LIMK1: variants seen among roughly 807,000 people sequenced by gnomAD.
The protein encoded by LIMK1 is LIM motif-containing protein kinase.
A neutral mutation model predicts 77.6 loss-of-function variants in LIMK1; 21 were observed. The observed-to-expected ratio is 0.27, with a 90% CI of 0.19 to 0.39. The LOEUF is 0.39. Ranked by LOEUF, LIMK1 falls within the 10% of genes least tolerant of loss-of-function variation. The pLI is 1.00. For missense variants in LIMK1, 696 were observed against 901.6 expected, an observed-to-expected ratio of 0.77 and a Z score of 2.92; for synonymous variants, 358 against 370.0, an observed-to-expected ratio of 0.97 and a Z score of 0.37.
intron 2 of LIMK1, among the ~76,000 whole-genome samples, chr7:74,088,000 A>G (rs1475066189): frequency 6.6e-6 from 1 of 151,744 alleles, no homozygotes; most frequent in Admixed American, 6.6e-5. Flanking sequence ...CTCCAGCTCC[A>G]ACTGGTTCAA....
chr7:74,117,427 A>C (rs1233847719), intron 13 of LIMK1, among the ~76,000 whole-genome samples: 1 of 152,126 alleles, frequency 6.6e-6, no homozygotes, highest in African/African-American at 2.4e-5. Context: ...GTCCGATGGA[A>C]GGTGGGACGT....
At position 74,099,032 on chromosome 7, in the gene LIMK1, C is replaced by T. The variant is rs782739229; in HGVS notation, c.402C>T (p.Cys134=). The T allele has an allele frequency of 2.2e-5, 36 of 1,604,756 alleles. No individual in the cohort carries two copies. The highest frequency in any genetic ancestry group is 5.5e-5 in the South Asian group (5 of 90,950). The change falls in exon 5 of 16, where the codon TGC becomes TGT. Residue 134 remains cysteine (C), a splice_region_variant and synonymous_variant. Transcript: ENST00000336180. ...YTLVEHSKLY[C]GHCYYQTVVT... is the part of the protein sequence containing the mutation. ...CTTCCCACCCCGGCGGCTCTTGCAG[C>T]GGGCACTGCTACTACCAGACTGTGG...
chr7:74,096,847 C>T (rs782349030), intron 3 of LIMK1, 87 bp downstream of exon 3: 9 of 1,467,660 alleles, frequency 6.1e-6, no homozygotes, highest in Non-Finnish European at 6.4e-6. Context: ...ATCATTGTCT[C>T]TCCTGGTCTC....
intron 2 of LIMK1, among the ~76,000 whole-genome samples, chr7:74,092,727 C>T (rs1334904936): frequency 6.6e-6 from 1 of 152,220 alleles, no homozygotes; most frequent in African/African-American, 2.4e-5. Flanking sequence ...GAGGGCTGAG[C>T]ATGCTGCTGG....
At chr7:74,113,624 C>CA (rs1193175392) in intron 12 of LIMK1, among the ~76,000 whole-genome samples, 77 of 135,380 alleles carry the variant, frequency 5.7e-4, no homozygotes, top group East Asian at 1.1e-3. Context: ...GACACCGTCT[C>CA]AAAAAAAAAA....
intron 14 of LIMK1, 49 bp downstream of exon 14, chr7:74,120,687 C>A (rs781820839): frequency 1.3e-6 from 2 of 1,595,882 alleles, no homozygotes; most frequent in Non-Finnish European, 1.7e-6. Context: ...GGCTCCTCCC[C>A]ACTCACCCAG....
At position 74,121,141 on chromosome 7, in the gene LIMK1, C is replaced by T; in HGVS notation, c.1784C>T (p.Pro595Leu). 6.2e-7 allele frequency: 1 copy of T among 1,613,078 alleles called. No homozygotes were observed. Among genetic ancestry groups the T allele is most frequent in the South Asian group, 1.1e-5 (1 of 90,978 alleles). The change falls in exon 16 of 16, where the codon CCA (proline) becomes CTA (leucine). Residue 595 changes from proline to leucine, a missense_variant and splice_region_variant. Around this residue, in one of 3 missense-constraint regions of LIMK1, gnomAD observed 438 missense variants for 602.3 expected, o/e 0.73. Transcript: ENST00000336180. ...TTCCCCACCCACCTGTCACCCAGGC[C>T]ATCCTTTGTGAAGCTGGAACACTGG... is the stretch of plus-strand genomic sequence containing the variant. ...RCCDLDPEKR[P>L]SFVKLEHWLE...
In LIMK1 at chr7:74,120,587, C is replaced by T. The variant is rs1799912402; in HGVS notation, c.1572C>T (p.Arg524=). The change falls in exon 14 of 16, where the codon CGC becomes CGT. Residue 524 remains arginine, a synonymous_variant. Coordinates refer to ENST00000336180, the MANE Select transcript of LIMK1 (RefSeq NM_002314.4). ...ACAGTCGGTCTCTTTATCCAGGCCG[C>T]AGCTATGATGAGAAGGTGGATGTGT... is the stretch of plus-strand genomic sequence containing the variant. ...YWMAPEMING[R]SYDEKVDVFS... is the part of the protein sequence containing the mutation. The T allele has an allele frequency of 6.2e-7, 1 of 1,614,112 alleles. No homozygotes were observed. Among genetic ancestry groups the T allele is most frequent in the Non-Finnish European group, 8.5e-7 (1 of 1,180,038 alleles).
Position 74,122,289 on chromosome 7 carries a change from T to C in LIMK1, c.*988T>C, listed in dbSNP as rs1169829616. 6 of 151,700 alleles carry C rather than the reference T, an allele frequency of 4.0e-5. No homozygotes were observed. The highest frequency in any genetic ancestry group is 8.8e-5 in the Non-Finnish European group (6 of 67,846). The allele number at this position is 151,700 out of a possible 1,614,324, so 9.4% of individuals were successfully genotyped here. A position where few individuals can be genotyped will look rare whatever the true frequency, so the allele number is the denominator to read the frequency against. ...CTGCCAGGGGCTTGGGATTTTATTT[T>C]TGTGGCGGGCGGGGGTGGGAGGGCC... is the stretch of plus-strand genomic sequence containing the variant. On this transcript the variant is annotated 3_prime_UTR_variant, in exon 16 of 16. Transcript: ENST00000336180.
intron 2 of LIMK1, among the ~76,000 whole-genome samples, chr7:74,091,378 G>A (rs549172139): frequency 3.9e-5 from 6 of 152,230 alleles, no homozygotes; most frequent in African/African-American, 9.6e-5. Context: ...TTAGCCAGGC[G>A]TGGTGGTGCG....
chr7:74,105,884 G>C lies in LIMK1; in HGVS notation c.618G>C (p.Pro206=), dbSNP rs374968465. The C allele has an allele frequency of 8.7e-6, 14 of 1,613,532 alleles. No homozygotes were observed. Among genetic ancestry groups the C allele is most frequent in the South Asian group, 7.7e-5 (7 of 91,036 alleles). ...CCTGCCTTACCCACAGAGTGGATCC[G>C]GGCTGCATGAGCCCAGATGTGAAGA... ...SHTVRVQGVD[P]GCMSPDVKNS... The change falls in exon 6 of 16, where the codon CCG becomes CCC. Residue 206 remains proline (P), a synonymous_variant. Transcript: ENST00000336180.
chr7:74,098,953 TG>T, intron 4 of LIMK1, 78 bp from the exon 5 acceptor site: 2 of 1,144,566 alleles, frequency 1.7e-6, no homozygotes, highest in South Asian at 1.4e-5. Flanking sequence ...GGGAAGAGCC[TG>T]GGGCTGGGGG....
Position 74,121,353 on chromosome 7 carries a change from C to G in LIMK1, c.*52C>G, listed in dbSNP as rs1554700615. On this transcript the variant is annotated 3_prime_UTR_variant, in exon 16 of 16. Coordinates refer to ENST00000336180, the MANE Select transcript of LIMK1 (RefSeq NM_002314.4). ...CCCACCTCTGGAGAATCCACCCCCA[C>G]CAGATTCCTCCGCGGGAGGTGGCCC... The G allele has an allele frequency of 6.8e-7, 1 of 1,467,414 alleles. No homozygotes were observed. The highest frequency in any genetic ancestry group is 2.2e-5 in the Admixed American group (1 of 45,308). The allele number at this position is 1,467,414 out of a possible 1,614,324, so 90.9% of individuals were successfully genotyped here.
chr7:74,091,964 T>C (rs1799245731), intron 2 of LIMK1, among the ~76,000 whole-genome samples: 1 of 137,004 alleles, frequency 7.3e-6, no homozygotes, highest in African/African-American at 2.8e-5. Flanking sequence ...CTTTTTTTTT[T>C]TTTTTTTTTT....
chr7:74,092,110 C>A, intron 2 of LIMK1, among the ~76,000 whole-genome samples: 1 of 151,804 alleles, frequency 6.6e-6, no homozygotes, highest in East Asian at 1.9e-4. Context: ...GGACTACAGG[C>A]GCCCACCACC....
In LIMK1 at chr7:74,084,020, G is replaced by A; in HGVS notation, c.30G>A (p.Trp10Ter). 2 of 1,494,930 alleles carry A rather than the reference G, an allele frequency of 1.3e-6. No homozygotes were observed. The highest frequency in any genetic ancestry group is 1.8e-6 in the Non-Finnish European group (2 of 1,116,952). The allele number at this position is 1,494,930 out of a possible 1,614,324, so 92.6% of individuals were successfully genotyped here. The change falls in exon 1 of 16, where the codon TGG becomes TGA. Residue 10 changes from tryptophan to a stop codon, truncating the protein, a stop_gained. Transcript: ENST00000336180. LOFTEE classifies it high-confidence loss of function. MRLTLLCCTWREERMGEEGS... is the reference protein window; with the variant it reads MRLTLLCCT ...GGTTGACGCTACTTTGTTGCACCTGGAGGGAAGAACGTATGGGAGAGGAAG... is the reference window on the plus strand; with the variant it reads ...GGTTGACGCTACTTTGTTGCACCTGAAGGGAAGAACGTATGGGAGAGGAAG...
intron 1 of LIMK1, 101 bp from the exon 2 acceptor site, chr7:74,085,647 T>C: frequency 1.1e-6 from 1 of 886,118 alleles, no homozygotes; most frequent in Non-Finnish European, 1.8e-6. Context: ...TGTGCGAGGA[T>C]TGGTGCAGGT....
rs782595825 is a variant in LIMK1, at chr7:74,121,054, G to A, written c.1781+5G>A. ...CGATCTGGACCCCGAGAAGAGGTGA[G>A]TGGGGTGGGGCCCTGGCCTGGGAGA... is the stretch of plus-strand genomic sequence containing the variant. On this transcript the variant is annotated splice_donor_5th_base_variant and intron_variant, in intron 15 of 15. Coordinates refer to ENST00000336180, the MANE Select transcript of LIMK1 (RefSeq NM_002314.4). 3 of 1,594,928 alleles carry A rather than the reference G, an allele frequency of 1.9e-6. No individual in the cohort carries two copies. Among genetic ancestry groups the A allele is most frequent in the Non-Finnish European group, 2.6e-6 (3 of 1,168,940 alleles).
Position 74,099,148 on chromosome 7 carries a change from A to G in LIMK1, c.518A>G (p.His173Arg). The G allele has an allele frequency of 1.2e-6, 2 of 1,610,800 alleles. No individual in the cohort carries two copies. The highest frequency in any genetic ancestry group is 1.7e-6 in the Non-Finnish European group (2 of 1,177,672). ...VTLVSIPASSHGKRGLSVSID... is the reference protein window; with the variant it reads ...VTLVSIPASSRGKRGLSVSID... ...CTGGTGTCCATCCCAGCCTCATCTC[A>G]TGGCAAGCGTGGACTTTCAGTCTCC... is the stretch of plus-strand genomic sequence containing the variant. The change falls in exon 5 of 16, where the codon CAT becomes CGT. Residue 173 changes from histidine (H) to arginine (R), a missense_variant. By Grantham distance (29) the His-to-Arg change is conservative (BLOSUM62 0). Coordinates refer to ENST00000336180, the MANE Select transcript of LIMK1 (RefSeq NM_002314.4).
Sources: allele counts gnomAD v4.1 joint callset (sites outside exome capture counted in the v4.1 genomes callset), GRCh38; gene constraint gnomAD v4.1.1; regional missense constraint gnomAD v4.1.1; transcripts MANE v1.5; gene names NCBI Gene and HGNC (gene_info 2026-07-23, HGNC 2026-07-21).